The following IL1RAPL2 variants were observed in gnomAD, a reference collection of about 807,000 sequenced individuals.
IL1RAPL2 encodes X-linked interleukin-1 receptor accessory protein-like 2.
In IL1RAPL2, 3 loss-of-function variants were observed where a neutral mutation model predicts 44.1. The observed-to-expected ratio is 0.07, with a 90% confidence interval of 0.03 to 0.18. The LOEUF (loss-of-function observed/expected upper bound fraction) is 0.18. IL1RAPL2 is among the 10% of genes least tolerant of loss of function. IL1RAPL2 has a pLI of 1.00. For synonymous variants in IL1RAPL2, 181 were observed against 178.8 expected (o/e 1.01, Z -0.10); for missense variants, 391 against 496.4 (o/e 0.79, Z 2.02).
At chrX:104,936,910 C>A (rs926902705) in intron 2 of IL1RAPL2, among the ~76,000 whole-genome samples, 6 of 111,310 alleles carry the variant, frequency 5.4e-5, no homozygotes, top group African/African-American at 2.0e-4. Context: ...CCAACCTTAC[C>A]AGACTCTTAA....
intron 2 of IL1RAPL2, among the ~76,000 whole-genome samples, chrX:104,685,657 T>C (rs1037702300): frequency 2.7e-5 from 3 of 111,139 alleles, no homozygotes; most frequent in Non-Finnish European, 5.7e-5. Flanking sequence ...CATTAGGAGA[T>C]ATACCTAATG....
intron 5 of IL1RAPL2, among the ~76,000 whole-genome samples, chrX:105,442,214 C>A (rs1298418527): frequency 9.2e-6 from 1 of 109,228 alleles, no homozygotes; most frequent in African/African-American, 3.3e-5. Flanking sequence ...CCATGCCCAG[C>A]TAATTTCGTT....
chrX:105,650,823 G>A (rs966420984), intron 6 of IL1RAPL2, among the ~76,000 whole-genome samples: 8 of 111,711 alleles, frequency 7.2e-5, no homozygotes, highest in African/African-American at 9.8e-5. Context: ...GACACTTTGA[G>A]TAAATTCTCC....
intron 6 of IL1RAPL2, among the ~76,000 whole-genome samples, chrX:105,599,314 C>G (rs996203065): frequency 1.8e-5 from 2 of 111,654 alleles, no homozygotes; most frequent in Non-Finnish European, 3.8e-5. Flanking sequence ...GTAAGCACAG[C>G]TCCATTGATT....
At chrX:104,676,115 G>A (rs1261334638) in intron 2 of IL1RAPL2, among the ~76,000 whole-genome samples, 2 of 109,482 alleles carry the variant, frequency 1.8e-5, no homozygotes, top group Non-Finnish European at 3.8e-5. Flanking sequence ...AGTTAATATT[G>A]TTATGTGTGA....
At chrX:104,695,341 GAGAGAGAA>G (rs1311113194) in intron 2 of IL1RAPL2, among the ~76,000 whole-genome samples, 1 of 109,803 alleles carries the variant, frequency 9.1e-6, no homozygotes, top group African/African-American at 3.3e-5. Context: ...CAGCAGGAGA[GAGAGAGAA>G]AGAGAGAGAG....
Position 105,431,243 on chromosome X carries a change from T to C in IL1RAPL2, c.698-53070T>C, listed in dbSNP as rs755325315. ...AACTCAAATTGAATAGGATGAAAAG[T>C]TAAGTACAGAGAGCGAATACGGTCT... is the stretch of plus-strand genomic sequence containing the variant. On this transcript the variant is annotated intron_variant, in intron 5 of 10. Coordinates refer to ENST00000372582, the MANE Select transcript of IL1RAPL2 (RefSeq NM_017416.2). 1.2e-4 allele frequency among the ~76,000 whole-genome samples: 13 copies of C among 112,061 alleles called. No homozygotes were observed. In the South Asian group the frequency reaches 4.7e-3, roughly 41 times the overall value.
At chrX:104,801,877 A>G (rs971468028) in intron 2 of IL1RAPL2, among the ~76,000 whole-genome samples, 3 of 111,256 alleles carry the variant, frequency 2.7e-5, no homozygotes, top group Non-Finnish European at 1.9e-5. Flanking sequence ...ATGTCTGTAA[A>G]TTTTCCACCC....
At chrX:105,446,809 T>G (rs1602415711) in intron 5 of IL1RAPL2, among the ~76,000 whole-genome samples, 1 of 107,896 alleles carries the variant, frequency 9.3e-6, no homozygotes, top group Middle Eastern at 4.7e-3. Flanking sequence ...TCTACTTAAG[T>G]GAAGAGTAGT....
At chrX:105,504,886 T>C (rs1049483066) in intron 6 of IL1RAPL2, among the ~76,000 whole-genome samples, 2 of 111,776 alleles carry the variant, frequency 1.8e-5, no homozygotes, top group Non-Finnish European at 3.8e-5. Flanking sequence ...GAAGATTCCA[T>C]GTATAGTCAC....
chrX:104,921,631 C>T (rs1326072603), intron 2 of IL1RAPL2, among the ~76,000 whole-genome samples: 2 of 112,527 alleles, frequency 1.8e-5, no homozygotes, highest in African/African-American at 6.5e-5. Context: ...GATTCGTAGC[C>T]TGATCTCTAG....
intron 2 of IL1RAPL2, among the ~76,000 whole-genome samples, chrX:104,714,698 T>G (rs1268071880): frequency 9.0e-6 from 1 of 111,657 alleles, no homozygotes; most frequent in Admixed American, 9.5e-5. Flanking sequence ...GAATAGATGT[T>G]GAATTTTCTG....
chrX:104,696,450 G>A (rs1931184909), intron 2 of IL1RAPL2, among the ~76,000 whole-genome samples: 1 of 112,070 alleles, frequency 8.9e-6, no homozygotes, highest in South Asian at 3.7e-4. Context: ...GAATGCAAGT[G>A]TGCATACAGT....
chrX:104,999,444 A>G (rs963662601), intron 2 of IL1RAPL2, among the ~76,000 whole-genome samples: 5 of 111,740 alleles, frequency 4.5e-5, no homozygotes, highest in African/African-American at 6.5e-5. Context: ...GTTGTGTGCC[A>G]TTTGAGAGTT....
chrX:105,444,220 A>C (rs930584211), intron 5 of IL1RAPL2, among the ~76,000 whole-genome samples: 11 of 111,651 alleles, frequency 9.9e-5, no homozygotes, highest in South Asian at 3.7e-4. Flanking sequence ...GCTGTTGAAC[A>C]CCTTATATAT....
chrX:105,073,684 T>C (rs1043834877), intron 2 of IL1RAPL2, among the ~76,000 whole-genome samples: 21 of 111,643 alleles, frequency 1.9e-4, no homozygotes, highest in East Asian at 8.5e-4. Flanking sequence ...GTTCCTATTT[T>C]TCCACATCCT....
intron 2 of IL1RAPL2, among the ~76,000 whole-genome samples, chrX:104,881,371 G>A (rs1295511013): frequency 1.8e-5 from 2 of 111,749 alleles, no homozygotes; most frequent in Non-Finnish European, 3.8e-5. Context: ...ACTGAATTTT[G>A]TTGTAGTCAC....
At chrX:105,179,856 T>C (rs1422398959) in intron 2 of IL1RAPL2, among the ~76,000 whole-genome samples, 3 of 110,574 alleles carry the variant, frequency 2.7e-5, no homozygotes, top group African/African-American at 9.9e-5. Context: ...GTAACTTTAC[T>C]GGATTAATTG....
chrX:105,171,966 T>C (rs1429948390), intron 2 of IL1RAPL2, among the ~76,000 whole-genome samples: 2 of 112,377 alleles, frequency 1.8e-5, no homozygotes, highest in Non-Finnish European at 3.8e-5. Flanking sequence ...TAGATTCCTT[T>C]AAATCCAACC....
Sources: allele counts gnomAD v4.1 joint callset (sites outside exome capture counted in the v4.1 genomes callset), GRCh38; gene constraint gnomAD v4.1.1; transcripts MANE v1.5; gene names NCBI Gene and HGNC (gene_info 2026-07-23, HGNC 2026-07-21).